PHACTR4: variants seen among roughly 807,000 people sequenced by gnomAD.
PHACTR4 encodes phosphatase and actin regulator 4.
PHACTR4 carries 51 observed loss-of-function variants against 72.7 expected under a neutral mutation model. That is an observed-to-expected ratio of 0.70 (90% CI 0.56 to 0.89). The LOEUF is 0.89. Ranked by LOEUF, PHACTR4 falls within the 40% of genes least tolerant of loss-of-function variation. PHACTR4 has a pLI of 0.00. For synonymous variants in PHACTR4, 255 were observed against 302.5 expected (o/e 0.84, Z 1.63); for missense variants, 731 against 861.8 (o/e 0.85, Z 1.90).
At chr1:28,459,395 C>CT (rs367934288) in intron 3 of PHACTR4, 137 bp downstream of exon 3, 10,850 of 280,540 alleles carry the variant, frequency 0.039, 23 homozygotes, top group South Asian at 0.058. Context: ...TTTCCTTCTT[C>CT]TTTTTTTTTT....
Position 28,459,264 on chromosome 1 carries a change from A to T in PHACTR4, c.190+6A>T, listed in dbSNP as rs1048185524. Reference sequence around the variant, plus strand: ...ATTTAAAGAGACTTCAGAAGGTGAGATATTAAGGGTTAAATGTGTGTTCTG... The same window carrying T: ...ATTTAAAGAGACTTCAGAAGGTGAGTTATTAAGGGTTAAATGTGTGTTCTG... On this transcript the variant is annotated splice_donor_region_variant and intron_variant, in intron 3 of 13. Coordinates refer to ENST00000373839, the MANE Select transcript of PHACTR4 (RefSeq NM_001048183.3). 6.2e-7 allele frequency: 1 copy of T among 1,608,672 alleles called. No homozygotes were observed. The highest frequency in any genetic ancestry group is 8.5e-7 in the Non-Finnish European group (1 of 1,175,946).
chr1:28,397,064 A>C (rs780634996), intron 1 of PHACTR4, among the ~76,000 whole-genome samples: 13 of 152,018 alleles, frequency 8.6e-5, no homozygotes, highest in Non-Finnish European at 1.9e-4. Context: ...GCCAATGTAA[A>C]TTTAGGTTTC....
In PHACTR4 at chr1:28,496,964, GCCATCAAAT is replaced by G. The variant is rs886236660; in HGVS notation, c.*419_*427del. ...CCAAATGTGTAGGCTCTAAATTCCA[GCCATCAAAT>G]CCAATTCCTGGTGGGGAAAACCTTC... On this transcript the variant is annotated 3_prime_UTR_variant, in exon 14 of 14. Transcript: ENST00000373839. 1.5e-5 allele frequency: 3 copies of G among 204,928 alleles called. No individual in the cohort carries two copies. The highest frequency in any genetic ancestry group is 4.7e-5 in the African/African-American group (2 of 42,772). 12.7% of individuals were successfully genotyped at this position (204,928 alleles called of 1,614,324 possible). A position where few individuals can be genotyped will look rare whatever the true frequency, so the allele number is the denominator to read the frequency against.
chr1:28,458,108 T>TTGTG (rs539564108), intron 2 of PHACTR4, among the ~76,000 whole-genome samples: 7,214 of 120,232 alleles, frequency 0.06, 194 homozygotes, highest in Middle Eastern at 0.15. Context: ...GTGTGTGTGT[T>TTGTG]TGTGTGTGTG....
intron 13 of PHACTR4, among the ~76,000 whole-genome samples, chr1:28,495,717 A>G (rs1661307201): frequency 6.6e-6 from 1 of 150,714 alleles, no homozygotes; most frequent in South Asian, 2.1e-4. Flanking sequence ...CTCATGTTCA[A>G]GCCATCCTCC....
chr1:28,415,018 T>G (rs1655018253), intron 2 of PHACTR4, among the ~76,000 whole-genome samples: 1 of 152,014 alleles, frequency 6.6e-6, no homozygotes, highest in South Asian at 2.1e-4. Flanking sequence ...CCTAGCACTT[T>G]GGGAGGCCGA....
At chr1:28,475,876 G>A (rs1659885898) in intron 7 of PHACTR4, among the ~76,000 whole-genome samples, 1 of 151,796 alleles carries the variant, frequency 6.6e-6, no homozygotes, top group African/African-American at 2.4e-5. Context: ...ACAGGCACCT[G>A]CCACCATGCC....
At chr1:28,448,258 G>A (rs1657617021) in intron 2 of PHACTR4, among the ~76,000 whole-genome samples, 1 of 152,082 alleles carries the variant, frequency 6.6e-6, no homozygotes, top group African/African-American at 2.4e-5. Flanking sequence ...GCTCATGCCT[G>A]TAATCCTAGC....
intron 2 of PHACTR4, among the ~76,000 whole-genome samples, chr1:28,429,524 T>C (rs1370748994): frequency 6.6e-6 from 1 of 152,070 alleles, no homozygotes; most frequent in Non-Finnish European, 1.5e-5. Flanking sequence ...CTATCCATGG[T>C]AGAATAGTGG....
intron 2 of PHACTR4, among the ~76,000 whole-genome samples, chr1:28,444,721 T>G (rs1657314592): frequency 6.7e-6 from 1 of 150,158 alleles, no homozygotes; most frequent in African/African-American, 2.4e-5. Flanking sequence ...GTTCACGCCA[T>G]TCTCCTGCCT....
intron 4 of PHACTR4, among the ~76,000 whole-genome samples, chr1:28,461,849 C>CT (rs142600648): frequency 0.055 from 7,978 of 144,162 alleles, 707 homozygotes; most frequent in African/African-American, 0.2. Flanking sequence ...TGTTTTCTTT[C>CT]TTTCTTTTTT....
chr1:28,468,888 C>T (rs1659384053), intron 6 of PHACTR4, among the ~76,000 whole-genome samples: 1 of 152,158 alleles, frequency 6.6e-6, no homozygotes, highest in Non-Finnish European at 1.5e-5. Flanking sequence ...TGGCATACCA[C>T]CCTTTTCAAG....
chr1:28,409,951 ATTTTTTTTTTTTTTTTT>A (rs57186471), intron 2 of PHACTR4, among the ~76,000 whole-genome samples: 6 of 66,340 alleles, frequency 9.0e-5, no homozygotes, highest in Admixed American at 6.9e-4. Context: ...TTCTTCATAA[ATTTTTTTTTTTTTTTTT>A]TTTTTTTTTT....
At chr1:28,456,966 T>C (rs994781190) in intron 2 of PHACTR4, among the ~76,000 whole-genome samples, 1 of 152,062 alleles carries the variant, frequency 6.6e-6, no homozygotes, top group Non-Finnish European at 1.5e-5. Flanking sequence ...TTCTAGTGTA[T>C]TTCATGTAAA....
chr1:28,408,243 A>G (rs1205997844), intron 2 of PHACTR4, among the ~76,000 whole-genome samples: 1 of 152,218 alleles, frequency 6.6e-6, no homozygotes. Context: ...GTAGTGCTTC[A>G]TTAGTACTTG....
At chr1:28,445,283 C>T (rs1451882102) in intron 2 of PHACTR4, among the ~76,000 whole-genome samples, 2 of 152,204 alleles carry the variant, frequency 1.3e-5, no homozygotes, top group African/African-American at 4.8e-5. Context: ...AAGACAGAGT[C>T]TCGCTATGTT....
At chr1:28,375,881 C>A (rs1354369545) in intron 1 of PHACTR4, among the ~76,000 whole-genome samples, 1 of 152,074 alleles carries the variant, frequency 6.6e-6, no homozygotes, top group Non-Finnish European at 1.5e-5. Flanking sequence ...ACCAGCCTGA[C>A]CAACATGGAG....
chr1:28,485,255 A>C (rs1274558867), intron 9 of PHACTR4, among the ~76,000 whole-genome samples: 3 of 152,186 alleles, frequency 2.0e-5, no homozygotes, highest in Non-Finnish European at 4.4e-5. Context: ...ATGCATGATG[A>C]GTAAGTTCTA....
intron 2 of PHACTR4, among the ~76,000 whole-genome samples, chr1:28,419,159 T>C (rs181170631): frequency 4.6e-4 from 70 of 151,214 alleles, no homozygotes; most frequent in African/African-American, 1.6e-3. Context: ...TTTTTTTGTA[T>C]TTTTAGTAGA....
Sources: gnomAD v4.1 joint callset for allele counts (sites outside exome capture counted in the v4.1 genomes callset) on GRCh38, gnomAD v4.1.1 for gene constraint, MANE v1.5 for transcripts, NCBI Gene and HGNC (gene_info 2026-07-23, HGNC 2026-07-21) for gene names.